The following MCTP1 variants were observed in gnomAD, a reference collection of about 807,000 sequenced individuals.
The protein encoded by MCTP1 is multiple C2 and transmembrane domain-containing protein 1.
In MCTP1, 69 loss-of-function variants were observed where a neutral mutation model predicts 120.6. The observed-to-expected ratio is 0.57, with a 90% confidence interval of 0.47 to 0.70. The LOEUF (loss-of-function observed/expected upper bound fraction) is 0.70. MCTP1 is among the 30% of genes least tolerant of loss of function. MCTP1 has a pLI of 0.00. For missense variants in MCTP1, 1,203 were observed against 1,248.8 expected (o/e 0.96, Z 0.55); for synonymous variants, 529 against 493.1 (o/e 1.07, Z -0.96).
intron 4 of MCTP1, among the ~76,000 whole-genome samples, chr5:94,941,357 A>C (rs2153505650): frequency 6.6e-6 from 1 of 152,176 alleles, no homozygotes; most frequent in Middle Eastern, 3.4e-3. Context: ...AAGGACTTAC[A>C]GAAAAAGTAC....
chr5:95,263,737 T>C (rs1758661453), intron 1 of MCTP1, among the ~76,000 whole-genome samples: 1 of 152,180 alleles, frequency 6.6e-6, no homozygotes, highest in Non-Finnish European at 1.5e-5. Context: ...TGCCAGGAAC[T>C]TTCATTGTAC....
At chr5:95,195,008 A>C (rs2152538968) in intron 1 of MCTP1, among the ~76,000 whole-genome samples, 2 of 152,314 alleles carry the variant, frequency 1.3e-5, no homozygotes, top group South Asian at 2.1e-4. Flanking sequence ...CAGGTTGGTT[A>C]ATTTGGCACC....
At chr5:95,270,062 C>T (rs1294027781) in intron 1 of MCTP1, among the ~76,000 whole-genome samples, 1 of 152,050 alleles carries the variant, frequency 6.6e-6, no homozygotes, top group Non-Finnish European at 1.5e-5. Flanking sequence ...GGACTTTTAA[C>T]GTATAACATA....
intron 1 of MCTP1, among the ~76,000 whole-genome samples, chr5:95,200,070 A>G (rs1396951206): frequency 6.6e-6 from 1 of 151,904 alleles, no homozygotes; most frequent in East Asian, 1.9e-4. Flanking sequence ...CTGAGGCAGG[A>G]GAATCACTTG....
In MCTP1 at chr5:95,068,051, T is replaced by C. The variant is rs557974355; in HGVS notation, c.721-50567A>G. Among the ~76,000 whole-genome samples the C allele has an allele frequency of 5.3e-5, 8 of 152,344 alleles. No individual in the cohort carries two copies. In the South Asian group the frequency reaches 1.7e-3, roughly 32 times the overall value. ...AATATAAATCATTAAATTAACTTGA[T>C]CTTTCAACAAGGTCGTTCTTTTTTG... On this transcript the variant is annotated intron_variant, in intron 1 of 22. Coordinates refer to ENST00000515393, the MANE Select transcript of MCTP1 (RefSeq NM_024717.7).
intron 11 of MCTP1, among the ~76,000 whole-genome samples, chr5:94,892,536 T>A (rs1400957841): frequency 1.3e-5 from 2 of 152,128 alleles, no homozygotes; most frequent in Non-Finnish European, 2.9e-5. Flanking sequence ...AAAATGGAAT[T>A]AGCCATCTTC....
At chr5:95,000,678 A>T (rs1238695677) in intron 2 of MCTP1, among the ~76,000 whole-genome samples, 1 of 152,234 alleles carries the variant, frequency 6.6e-6, no homozygotes, top group Non-Finnish European at 1.5e-5. Context: ...AGCTGTTATG[A>T]CAAGACTCAA....
At chr5:95,000,654 ATGTTTG>A (rs1833494448) in intron 2 of MCTP1, among the ~76,000 whole-genome samples, 1 of 152,180 alleles carries the variant, frequency 6.6e-6, no homozygotes, top group South Asian at 2.1e-4. Flanking sequence ...GCTGTATAAT[ATGTTTG>A]TGTTTTCAGC....
At chr5:95,019,225 A>T (rs1210726154) in intron 1 of MCTP1, among the ~76,000 whole-genome samples, 1 of 152,120 alleles carries the variant, frequency 6.6e-6, no homozygotes, top group Non-Finnish European at 1.5e-5. Flanking sequence ...ATTGATTACC[A>T]CAATCAAGTT....
intron 1 of MCTP1, among the ~76,000 whole-genome samples, chr5:95,132,853 T>C (rs1759151222): frequency 6.6e-6 from 1 of 152,238 alleles, no homozygotes; most frequent in Non-Finnish European, 1.5e-5. Context: ...TACTAACCTA[T>C]GTAAAATGAG....
At chr5:94,967,434 T>C (rs1825881433) in intron 2 of MCTP1, among the ~76,000 whole-genome samples, 1 of 152,204 alleles carries the variant, frequency 6.6e-6, no homozygotes, top group Non-Finnish European at 1.5e-5. Context: ...AGGGAGTAAA[T>C]TCCCCAAAGT....
At chr5:95,240,392 A>T (rs1302027586) in intron 1 of MCTP1, among the ~76,000 whole-genome samples, 1 of 152,192 alleles carries the variant, frequency 6.6e-6, no homozygotes, top group Non-Finnish European at 1.5e-5. Context: ...TTCACACGCA[A>T]GTTCAGGGAT....
chr5:95,275,772 T>C (rs1030784777), intron 1 of MCTP1, among the ~76,000 whole-genome samples: 1 of 152,058 alleles, frequency 6.6e-6, no homozygotes, highest in Non-Finnish European at 1.5e-5. Flanking sequence ...CATAGCAAAA[T>C]GCGGGTAGCA....
intron 20 of MCTP1, among the ~76,000 whole-genome samples, chr5:94,714,196 A>C (rs1758218366): frequency 6.6e-6 from 1 of 152,162 alleles, no homozygotes; most frequent in South Asian, 2.1e-4. Flanking sequence ...TATTTTAAAA[A>C]GTTAAGGAAA....
At chr5:94,745,308 T>A (rs1766618435) in intron 19 of MCTP1, among the ~76,000 whole-genome samples, 1 of 152,208 alleles carries the variant, frequency 6.6e-6, no homozygotes, top group Non-Finnish European at 1.5e-5. Flanking sequence ...GAGAGTGTGC[T>A]CTTTGGTGCA....
chr5:94,969,546 T>C (rs1317440735), intron 2 of MCTP1, among the ~76,000 whole-genome samples: 2 of 152,036 alleles, frequency 1.3e-5, no homozygotes, highest in Non-Finnish European at 2.9e-5. Flanking sequence ...TAATGCTAAG[T>C]CTTCATCGAA....
intron 1 of MCTP1, among the ~76,000 whole-genome samples, chr5:95,031,004 G>A (rs1186113856): frequency 6.6e-6 from 1 of 151,482 alleles, no homozygotes; most frequent in East Asian, 1.9e-4. Flanking sequence ...CTAAAAACAT[G>A]CTTTAACAAT....
At chr5:95,042,174 G>A (rs1382716553) in intron 1 of MCTP1, among the ~76,000 whole-genome samples, 2 of 152,176 alleles carry the variant, frequency 1.3e-5, no homozygotes, top group Non-Finnish European at 2.9e-5. Context: ...TTAATAGCCA[G>A]TGGCCTGTTT....
rs190802519 is a variant in MCTP1 at position 94,992,248 on chromosome 5, C to G, written c.838+25119G>C. Among the ~76,000 whole-genome samples the G allele has an allele frequency of 2.3e-3, 354 of 152,216 alleles. 5 individuals carry two copies. The Middle Eastern group carries it at 0.024, about 10-fold the overall frequency. ...ATTTGGGAATATTCACTAACTTCAC[C>G]AATAACGTTTTAGTTAATATGATGC... On this transcript the variant is annotated intron_variant, in intron 2 of 22. Coordinates refer to ENST00000515393, the MANE Select transcript of MCTP1 (RefSeq NM_024717.7).
Sources: gnomAD v4.1 joint callset for allele counts (sites outside exome capture counted in the v4.1 genomes callset) on GRCh38, gnomAD v4.1.1 for gene constraint, MANE v1.5 for transcripts, NCBI Gene and HGNC (gene_info 2026-07-23, HGNC 2026-07-21) for gene names.